POFUT3: variants seen among roughly 807,000 people sequenced by gnomAD.
The protein encoded by POFUT3 is protein O-fucosyltransferase 3.
the POFUT3 span, among the ~76,000 whole-genome samples, chr8:33,411,527 G>A: frequency 6.6e-6 from 1 of 152,210 alleles, no homozygotes; most frequent in African/African-American, 2.4e-5. Context: ...CATGGCTCAT[G>A]CCTGTAATCC....
chr8:33,458,142 A>C, the POFUT3 span, among the ~76,000 whole-genome samples: 1 of 152,162 alleles, frequency 6.6e-6, no homozygotes. Flanking sequence ...ACACAATTAC[A>C]GAGAGAAGGC....
the POFUT3 span, among the ~76,000 whole-genome samples, chr8:33,431,954 A>G: frequency 6.6e-5 from 10 of 152,050 alleles, no homozygotes; most frequent in African/African-American, 1.7e-4. Flanking sequence ...GGACCACACC[A>G]TTATCTCCTG....
chr8:33,470,207 C>CT, the POFUT3 span, among the ~76,000 whole-genome samples: 1 of 135,890 alleles, frequency 7.4e-6, no homozygotes, highest in Non-Finnish European at 1.5e-5. Context: ...CAAGACCAGC[C>CT]TAGGCAACAC....
chr8:33,425,820 G>C, the POFUT3 span, among the ~76,000 whole-genome samples: 5 of 151,788 alleles, frequency 3.3e-5, no homozygotes, highest in Admixed American at 2.0e-4. Context: ...CAGCTACTCA[G>C]GAGGCTGAGG....
the POFUT3 span, among the ~76,000 whole-genome samples, chr8:33,472,553 T>A: frequency 6.6e-6 from 1 of 152,224 alleles, no homozygotes; most frequent in African/African-American, 2.4e-5. Context: ...CGCCGTATTC[T>A]CTGCAACTAG....
the POFUT3 span, among the ~76,000 whole-genome samples, chr8:33,394,010 T>C: frequency 6.6e-6 from 1 of 152,040 alleles, no homozygotes; most frequent in African/African-American, 2.4e-5. Context: ...AGTGAGACCC[T>C]GTCCACAAGA....
At chr8:33,336,367 G>A in the POFUT3 span, among the ~76,000 whole-genome samples, 2 of 152,190 alleles carry the variant, frequency 1.3e-5, no homozygotes, top group African/African-American at 2.4e-5. Context: ...ATAGGTACTG[G>A]AAAATTATAA....
chr8:33,382,322 A>G, the POFUT3 span, among the ~76,000 whole-genome samples: 2 of 152,182 alleles, frequency 1.3e-5, no homozygotes, highest in Non-Finnish European at 2.9e-5. Flanking sequence ...ATTTCCAAAT[A>G]AAAATGGTTG....
At chr8:33,388,667 T>C in the POFUT3 span, among the ~76,000 whole-genome samples, 6 of 152,140 alleles carry the variant, frequency 3.9e-5, no homozygotes, top group African/African-American at 1.4e-4. Context: ...TTAGGGACTC[T>C]TCCCCTTTTC....
chr8:33,363,003 C>T, the POFUT3 span, among the ~76,000 whole-genome samples: 3 of 152,120 alleles, frequency 2.0e-5, no homozygotes, highest in Non-Finnish European at 4.4e-5. Flanking sequence ...TATTCTAAAA[C>T]TGACCACATA....
the POFUT3 span, among the ~76,000 whole-genome samples, chr8:33,345,099 A>C: frequency 6.6e-6 from 1 of 152,222 alleles, no homozygotes; most frequent in African/African-American, 2.4e-5. Flanking sequence ...TTTCTTATGG[A>C]CTAAAATTGT....
At chr8:33,397,569 G>A in the POFUT3 span, among the ~76,000 whole-genome samples, 213 of 152,254 alleles carry the variant, frequency 1.4e-3, 2 homozygotes, top group South Asian at 3.3e-3. Context: ...GGGCTGAGAC[G>A]GCCTTAAGGG....
the POFUT3 span, among the ~76,000 whole-genome samples, chr8:33,466,383 T>A: frequency 6.6e-6 from 1 of 151,944 alleles, no homozygotes; most frequent in Non-Finnish European, 1.5e-5. Flanking sequence ...GAGCCATGAT[T>A]ATGCCACTGT....
At chr8:33,442,128 CTGTTTTT>C in the POFUT3 span, among the ~76,000 whole-genome samples, 1 of 151,284 alleles carries the variant, frequency 6.6e-6, no homozygotes, top group South Asian at 2.1e-4. Flanking sequence ...TTTTGTTTTT[CTGTTTTT>C]TGTTTTTTGT....
At chr8:33,433,783 C>T in the POFUT3 span, among the ~76,000 whole-genome samples, 1 of 147,680 alleles carries the variant, frequency 6.8e-6, no homozygotes, top group African/African-American at 2.5e-5. Context: ...GATTCAGTCT[C>T]GGGAAAAAAA....
At chr8:33,401,849 G>A in the POFUT3 span, among the ~76,000 whole-genome samples, 2 of 152,076 alleles carry the variant, frequency 1.3e-5, no homozygotes, top group Non-Finnish European at 2.9e-5. Flanking sequence ...CCAACATGGC[G>A]AAACGCTGTC....
the POFUT3 span, chr8:33,372,455 A>G: frequency 5.5e-6 from 8 of 1,450,150 alleles, no homozygotes; most frequent in Non-Finnish European, 7.2e-6. Flanking sequence ...TGAGTACTGC[A>G]GCAACTAATT....
At chr8:33,367,165 A>C in the POFUT3 span, among the ~76,000 whole-genome samples, 1 of 152,220 alleles carries the variant, frequency 6.6e-6, no homozygotes, top group African/African-American at 2.4e-5. Context: ...GGCCATAAAC[A>C]AAATCTCTGC....
chr8:33,365,560 C>T, the POFUT3 span, among the ~76,000 whole-genome samples: 1 of 151,950 alleles, frequency 6.6e-6, no homozygotes, highest in Non-Finnish European at 1.5e-5. Flanking sequence ...AACAAATTTA[C>T]AAGAAAAAAA....
Sources: allele counts gnomAD v4.1 joint callset (sites outside exome capture counted in the v4.1 genomes callset), GRCh38; gene constraint gnomAD v4.1.1; transcripts MANE v1.5; gene names NCBI Gene and HGNC (gene_info 2026-07-23, HGNC 2026-07-21).